Variants in GRAMD1A observed in about 807,000 individuals in gnomAD.
GRAMD1A encodes the protein GRAM domain containing 1A, also known as protein Aster-A.
GRAMD1A carries 50 observed loss-of-function variants against 92.0 expected under a neutral mutation model. The ratio of observed to expected loss-of-function variants is 0.54; its 90% CI spans 0.43 to 0.69. The LOEUF is 0.69. Among genes scored for constraint, GRAMD1A ranks in the 30% least tolerant of loss-of-function variants. GRAMD1A has a pLI of 0.00. For missense variants in GRAMD1A, 819 were observed against 978.9 expected (o/e 0.84, Z 2.18); for synonymous variants, 405 against 403.6 (o/e 1.00, Z -0.04).
rs763212765 is a variant in GRAMD1A at position 35,009,939 on chromosome 19, A to G, written c.292A>G (p.Ser98Gly). The G allele has an allele frequency of 2.2e-5, 36 of 1,612,626 alleles. No homozygotes were observed. Among genetic ancestry groups the G allele is most frequent in the Non-Finnish European group, 2.7e-5 (32 of 1,178,660 alleles). The change falls in exon 4 of 20, where the codon AGC (serine) becomes GGC (glycine). Residue 98 changes from serine (S) to glycine (G), a missense_variant. Ser to Gly is a moderately conservative substitution (Grantham distance 56). Coordinates refer to ENST00000317991, the MANE Select transcript of GRAMD1A (RefSeq NM_020895.5). ...TAATGAGGACTTCCGGAAACTGTTCAGCAAACTCCCCGAAGCAGAACGCCT... is the reference window on the plus strand; with the variant it reads ...TAATGAGGACTTCCGGAAACTGTTCGGCAAACTCCCCGAAGCAGAACGCCT... ...QRNEDFRKLFSKLPEAERLIV... is the reference protein window; with the variant it reads ...QRNEDFRKLFGKLPEAERLIV...
upstream of GRAMD1A, among the ~76,000 whole-genome samples, chr19:34,996,803 CAAAAA>C (rs944025116): frequency 1.7e-5 from 1 of 60,468 alleles, no homozygotes. Flanking sequence ...GACTCTGTCT[CAAAAA>C]AAAAAAAAAA....
chr19:35,023,100 A>C, intron 17 of GRAMD1A, 136 bp from the exon 18 acceptor site: 1 of 809,350 alleles, frequency 1.2e-6, no homozygotes, highest in Non-Finnish European at 2.1e-6. Flanking sequence ...AACCCTAGGC[A>C]TGTCTCTCAT....
chr19:35,009,254 C>T lies in GRAMD1A; in HGVS notation c.144C>T (p.Ser48=). The T allele has an allele frequency of 6.2e-7, 1 of 1,614,130 alleles. No homozygotes were observed. Among genetic ancestry groups the T allele is most frequent in the Non-Finnish European group, 8.5e-7 (1 of 1,179,966 alleles). ...GTMVEKGSDS[S]SEKGGVPGTP... is the part of the protein sequence containing the mutation. ...TGGTGGAGAAGGGATCAGATAGCTC[C>T]TCAGAGAAGGGTGGGGTGCCTGGGA... Residue 48 remains serine, a synonymous_variant, in exon 2 of 20, where the codon TCC becomes TCT. Transcript: ENST00000317991.
chr19:34,998,038 T>A (rs1256385551), upstream of GRAMD1A, among the ~76,000 whole-genome samples: 1 of 129,854 alleles, frequency 7.7e-6, no homozygotes, highest in Admixed American at 9.4e-5. Context: ...ACTGCACCAC[T>A]CCAGCCTGAG....
rs180972024 is a variant in GRAMD1A at position 35,011,574 on chromosome 19, G to T, written c.606+20G>T. Reference sequence around the variant, plus strand: ...GAAAAGGTGGGCCTGGGTGAGGCCCGGGTGGGGATGGGGGGTTTCCAGGGG... The same window carrying T: ...GAAAAGGTGGGCCTGGGTGAGGCCCTGGTGGGGATGGGGGGTTTCCAGGGG... On this transcript the variant is annotated intron_variant, in intron 7 of 19. Transcript: ENST00000317991. The T allele has an allele frequency of 1.3e-6, 2 of 1,549,916 alleles. No individual in the cohort carries two copies. The highest frequency in any genetic ancestry group is 4.5e-5 in the East Asian group (2 of 44,568).
chr19:35,023,402 C>A, intron 18 of GRAMD1A, 25 bp from the exon 19 acceptor site: 1 of 1,607,566 alleles, frequency 6.2e-7, no homozygotes, highest in South Asian at 1.1e-5. Context: ...GGCCAAGGCC[C>A]TGCTCAGGCC....
In GRAMD1A at chr19:35,019,526, C is replaced by T. The variant is rs754837904; in HGVS notation, c.1468C>T (p.Arg490Trp). The change falls in exon 13 of 20, where the codon CGG becomes TGG. Residue 490 changes from arginine (R) to tryptophan (W), a missense_variant. Physicochemically the swap from Arg to Trp is moderately radical, Grantham distance 101 (BLOSUM62 -3). Transcript: ENST00000317991. ...CILGLARNKA[R>W]LRVSSEIRYR... The stretch of plus-strand genomic sequence containing the variant: ...CCTGGGTCTGGCCCGGAACAAGGCG[C>T]GGCTCCGGTGAGTGGTGGCTGGGCC... The T allele has an allele frequency of 9.9e-6, 16 of 1,613,782 alleles. No individual in the cohort carries two copies. Among genetic ancestry groups the T allele is most frequent in the African/African-American group, 2.7e-5 (2 of 74,930 alleles).
At position 35,021,842 on chromosome 19, in the gene GRAMD1A, C is replaced by T; in HGVS notation, c.1731C>T (p.Ala577=). 1 of 1,603,756 alleles carries T rather than the reference C, an allele frequency of 6.2e-7. No homozygotes were observed. Among genetic ancestry groups the T allele is most frequent in the Non-Finnish European group, 8.5e-7 (1 of 1,174,156 alleles). The change falls in exon 15 of 20, where the codon GCC becomes GCT. Residue 577 remains alanine (A), a synonymous_variant. Transcript: ENST00000317991. This position sits in a 1 kb window ranked among gnomAD's most constrained non-coding sequence, Gnocchi z 5.3. ...GPQHPDPDPC[A]RAGIHTSGSL... ...AGCACCCAGATCCTGACCCCTGTGC[C>T]CGGGCCGGCATTCACACCTCGGGTA...
chr19:35,022,541 C>T (rs2016130632), intron 16 of GRAMD1A, among the ~76,000 whole-genome samples: 3 of 150,622 alleles, frequency 2.0e-5, no homozygotes, highest in East Asian at 2.0e-4. Flanking sequence ...GGGAGGCCAG[C>T]GGCGGCTTCC....
rs1267298078 is a variant in GRAMD1A, at chr19:35,013,796, TA to T, written c.870+106del. 3.4e-6 allele frequency: 4 copies of T among 1,175,966 alleles called. No homozygotes were observed. Among genetic ancestry groups the T allele is most frequent in the Non-Finnish European group, 4.9e-6 (4 of 823,286 alleles). 72.8% of individuals were successfully genotyped at this position (1,175,966 alleles called of 1,614,324 possible). ...CCTGACAGATTTGGAGGGGAATGGA[TA>T]GGGGGACAGGGGAGGCCTGGATGGA... On this transcript the variant is annotated intron_variant, in intron 9 of 19. Transcript: ENST00000317991. The surrounding 1 kb of genome is among the most constrained non-coding windows in gnomAD (Gnocchi z 4.9).
In GRAMD1A at chr19:35,013,508, C is replaced by G; in HGVS notation, c.720-33C>G. On this transcript the variant is annotated intron_variant, in intron 8 of 19. Coordinates refer to ENST00000317991, the MANE Select transcript of GRAMD1A (RefSeq NM_020895.5). The surrounding 1 kb of genome is among the most constrained non-coding windows in gnomAD (Gnocchi z 4.9). ...AGGAGGGTGTATGGGGTCTCAAGGA[C>G]ACAGCAGTCCCGCTTCCTCCCCTTT... is the stretch of plus-strand genomic sequence containing the variant. 1 of 1,582,652 alleles carries G rather than the reference C, an allele frequency of 6.3e-7. No homozygotes were observed. The highest frequency in any genetic ancestry group is 1.7e-4 in the Middle Eastern group (1 of 5,936).
Position 35,009,900 on chromosome 19 carries a change from A to G in GRAMD1A, c.253A>G (p.Thr85Ala). 1 of 1,608,796 alleles carries G rather than the reference A, an allele frequency of 6.2e-7. No individual in the cohort carries two copies. The highest frequency in any genetic ancestry group is 2.2e-5 in the East Asian group (1 of 44,856). The change falls in exon 4 of 20, where the codon ACT becomes GCT. Residue 85 changes from threonine to alanine, a missense_variant. Transcript: ENST00000317991. ...MQSWYSMLSP[T>A]YKQRNEDFRK... ...CAAACTTCCTCAGATGCTGAGCCCCACTTATAAGCAGCGTAATGAGGACTT... is the reference window on the plus strand; with the variant it reads ...CAAACTTCCTCAGATGCTGAGCCCCGCTTATAAGCAGCGTAATGAGGACTT...
rs377309133 is a variant in GRAMD1A, at chr19:35,023,560, G to T, written c.2082+13G>T. The stretch of plus-strand genomic sequence containing the variant: ...GCTCCTGGATGAGGTAGGAGGCGCC[G>T]CTCGGGCAGGGCTCGGGGCTGCGGG... On this transcript the variant is annotated intron_variant, in intron 19 of 19. Coordinates refer to ENST00000317991, the MANE Select transcript of GRAMD1A (RefSeq NM_020895.5). The T allele has an allele frequency of 6.4e-7, 1 of 1,562,812 alleles. No homozygotes were observed. Among genetic ancestry groups the T allele is most frequent in the Admixed American group, 2.2e-5 (1 of 46,442 alleles).
intron 1 of GRAMD1A, among the ~76,000 whole-genome samples, chr19:35,001,604 CTTCT>C (rs1027079358): frequency 3.1e-4 from 47 of 151,616 alleles, no homozygotes; most frequent in African/African-American, 8.0e-4. Flanking sequence ...CTGAAACGCT[CTTCT>C]TTTTTTTTTT....
chr19:34,995,577 T>TTTTTTTG, upstream of GRAMD1A, among the ~76,000 whole-genome samples: 1 of 118,980 alleles, frequency 8.4e-6, no homozygotes, highest in Middle Eastern at 3.8e-3. Context: ...ACGGGTTTTT[T>TTTTTTTG]TTTTTTTTTT....
At chr19:35,003,147 T>C (rs1427710657) in intron 1 of GRAMD1A, among the ~76,000 whole-genome samples, 33 of 59,632 alleles carry the variant, frequency 5.5e-4, no homozygotes, top group Admixed American at 5.0e-3. Context: ...TCTGTGCGTG[T>C]GTGTGTGTGT....
rs573159322 is a variant in GRAMD1A, at chr19:35,026,360, C to A, written c.*219C>A. ...AGGCCCCCCACTAACTTATTTTGCC[C>A]GGCTGAGGTTGTGGGGGGCGCCTCC... On this transcript the variant is annotated 3_prime_UTR_variant, in exon 20 of 20. Coordinates refer to ENST00000317991, the MANE Select transcript of GRAMD1A (RefSeq NM_020895.5). 6 of 582,354 alleles carry A rather than the reference C, an allele frequency of 1.0e-5. No homozygotes were observed. In the East Asian group the frequency reaches 1.7e-4, roughly 16 times the overall value. The allele number at this position is 582,354 out of a possible 1,614,324, so 36.1% of individuals were successfully genotyped here.
At chr19:35,022,545 G>A (rs78951054) in intron 16 of GRAMD1A, among the ~76,000 whole-genome samples, 3,027 of 152,146 alleles carry the variant, frequency 0.02, 95 homozygotes, top group African/African-American at 0.07. Context: ...GGCCAGCGGC[G>A]GCTTCCTCCC....
intron 1 of GRAMD1A, among the ~76,000 whole-genome samples, chr19:35,004,592 C>T (rs2014663072): frequency 6.6e-6 from 1 of 152,082 alleles, no homozygotes; most frequent in Non-Finnish European, 1.5e-5. Flanking sequence ...CAGGCAGGGG[C>T]TTGTATGGGC....
Sources: gnomAD v4.1 joint callset for allele counts (sites outside exome capture counted in the v4.1 genomes callset) on GRCh38, gnomAD v4.1.1 for gene constraint, Gnocchi (gnomAD v3.1) non-coding constraint, MANE v1.5 for transcripts, NCBI Gene and HGNC (gene_info 2026-07-23, HGNC 2026-07-21) for gene names.